Variants in XPO6 observed in about 807,000 individuals in gnomAD.
XPO6 encodes exportin-6.
In XPO6, 3 loss-of-function variants were observed where a neutral mutation model predicts 130.0. The observed-to-expected ratio is 0.02, with a 90% CI of 0.01 to 0.06. XPO6 has a LOEUF of 0.06. Ranked by LOEUF, XPO6 falls within the 10% of genes least tolerant of loss-of-function variation. The probability of loss-of-function intolerance (pLI) is 1.00; values close to 1 mark genes in which losing one functional copy is unlikely to be tolerated. For missense variants in XPO6, 970 were observed against 1,393.0 expected, an observed-to-expected ratio of 0.70 and a Z score of 4.83; for synonymous variants, 524 against 548.9, an observed-to-expected ratio of 0.95 and a Z score of 0.63.
chr16:28,196,379 G>C lies in XPO6; in HGVS notation c.3+14987C>G, dbSNP rs564161028. Among the ~76,000 whole-genome samples the C allele has an allele frequency of 7.2e-5, 11 of 152,206 alleles. No homozygotes were observed. The South Asian group carries it at 2.1e-3, about 29-fold the overall frequency. ...CCAGAATAAGCAAATTCATGAGACA[G>C]GAATTAGATTTGTGGTCACCAGGGG... On this transcript the variant is annotated intron_variant, in intron 1 of 23. Coordinates refer to ENST00000304658, the MANE Select transcript of XPO6 (RefSeq NM_015171.4).
At chr16:28,203,445 C>T (rs532513168) in intron 1 of XPO6, among the ~76,000 whole-genome samples, 5 of 152,238 alleles carry the variant, frequency 3.3e-5, no homozygotes, top group East Asian at 3.9e-4. Flanking sequence ...TAGACAGATA[C>T]ATTTGACAAT....
chr16:28,123,147 C>T lies in XPO6; in HGVS notation c.1767-1385G>A, dbSNP rs192447203. On this transcript the variant is annotated intron_variant, in intron 13 of 23. Transcript: ENST00000304658. ...TGAGAAAGCGTCTTGCTCTGTCAAC[C>T]AGGCCAGAGGATTGTAGTGATCTTG... 1.2e-3 allele frequency among the ~76,000 whole-genome samples: 180 copies of T among 152,202 alleles called. 2 individuals are homozygous for T. The highest frequency in any genetic ancestry group is 3.9e-3 in the African/African-American group (163 of 41,448).
chr16:28,112,855 G>A (rs747056735), intron 16 of XPO6, 49 bp downstream of exon 16: 1 of 1,577,948 alleles, frequency 6.3e-7, no homozygotes, highest in Non-Finnish European at 8.6e-7. Flanking sequence ...GCTTCCTTGG[G>A]TCTCAGTCAC....
In XPO6 at chr16:28,169,835, G is replaced by A; in HGVS notation, c.480C>T (p.Pro160=). The A allele has an allele frequency of 6.2e-7, 1 of 1,614,154 alleles. No homozygotes were observed. Residue 160 remains proline (P), a synonymous_variant, in exon 5 of 24, where the codon CCC becomes CCT. Coordinates refer to ENST00000304658, the MANE Select transcript of XPO6 (RefSeq NM_015171.4). The part of the protein sequence containing the change: ...LKTTSEELAC[P]REDLSVARKE... ...TCCGAGCCACACTGAGGTCCTCACG[G>A]GGACAAGCCAGCTCTTCTGAAGTTG... is the stretch of plus-strand genomic sequence containing the variant.
rs553255464 is a variant in XPO6 at position 28,159,195 on chromosome 16, C to T, written c.644-2668G>A. On this transcript the variant is annotated intron_variant, in intron 6 of 23. Coordinates refer to ENST00000304658, the MANE Select transcript of XPO6 (RefSeq NM_015171.4). ...GCAGTGAGCTACGATTTTACCACTG[C>T]ACTCCAGCCTGGGTGACAGAGCAAG... 2.0e-5 allele frequency among the ~76,000 whole-genome samples: 3 copies of T among 152,014 alleles called. No individual in the cohort carries two copies. In the South Asian group the frequency reaches 6.2e-4, roughly 32 times the overall value.
intron 7 of XPO6, 114 bp downstream of exon 7, chr16:28,155,960 C>G: frequency 6.8e-7 from 1 of 1,464,798 alleles, no homozygotes; most frequent in Non-Finnish European, 9.0e-7. Context: ...CTGTTCCTCA[C>G]CAGGAGCCCC....
intron 1 of XPO6, among the ~76,000 whole-genome samples, chr16:28,183,917 C>A (rs769766721): frequency 3.9e-5 from 6 of 151,986 alleles, no homozygotes; most frequent in Non-Finnish European, 7.4e-5. Context: ...ACAATCAGAA[C>A]AGAGGTAGAA....
intron 4 of XPO6, among the ~76,000 whole-genome samples, 185 bp from the exon 5 acceptor site, chr16:28,170,094 T>C (rs2141851634): frequency 6.6e-6 from 1 of 151,986 alleles, no homozygotes; most frequent in East Asian, 1.9e-4. Flanking sequence ...GCACTTTGGG[T>C]GGCTGAGACG....
chr16:28,139,239 A>G (rs1412283076), intron 9 of XPO6, among the ~76,000 whole-genome samples: 1 of 152,200 alleles, frequency 6.6e-6, no homozygotes, highest in Admixed American at 6.5e-5. Context: ...CATGCACACA[A>G]GAAAGGCCAC....
At chr16:28,177,659 T>C (rs2043554168) in intron 2 of XPO6, among the ~76,000 whole-genome samples, 1 of 152,200 alleles carries the variant, frequency 6.6e-6, no homozygotes, top group African/African-American at 2.4e-5. Flanking sequence ...TCCATCTTCT[T>C]AAAACTGCTA....
chr16:28,174,094 A>G (rs1268113196), intron 4 of XPO6, among the ~76,000 whole-genome samples: 3 of 152,098 alleles, frequency 2.0e-5, no homozygotes, highest in African/African-American at 4.8e-5. Context: ...GAGGGTTACC[A>G]TAACCGTCCT....
intron 7 of XPO6, chr16:28,153,955 C>T (rs1596890900): frequency 1.0e-6 from 1 of 985,246 alleles, no homozygotes; most frequent in Non-Finnish European, 1.2e-6. Context: ...TCTATGCGGC[C>T]GAGCTTATTT....
chr16:28,194,345 C>G (rs866040480), intron 1 of XPO6, among the ~76,000 whole-genome samples: 2 of 152,296 alleles, frequency 1.3e-5, no homozygotes, highest in Middle Eastern at 3.4e-3. Context: ...TCACCTCTCA[C>G]TGCTGCAAAC....
intron 15 of XPO6, 32 bp downstream of exon 15, chr16:28,117,286 G>C: frequency 6.2e-7 from 1 of 1,611,830 alleles, no homozygotes; most frequent in Non-Finnish European, 8.5e-7. Flanking sequence ...CAGAGAGTTA[G>C]ATAAAAGGTG....
chr16:28,207,937 G>A (rs993113570), intron 1 of XPO6, among the ~76,000 whole-genome samples: 2 of 152,118 alleles, frequency 1.3e-5, no homozygotes, highest in Non-Finnish European at 2.9e-5. Context: ...CTGAGGTCAG[G>A]AGTTCGAGAC....
intron 2 of XPO6, 78 bp from the exon 3 acceptor site, chr16:28,177,410 T>G: frequency 1.3e-6 from 1 of 758,210 alleles, no homozygotes. Context: ...CTTATTATTA[T>G]TTAAACATGT....
In XPO6 at chr16:28,154,896, C is replaced by G. The variant is rs185899068; in HGVS notation, c.1097+1178G>C. Among the ~76,000 whole-genome samples the G allele has an allele frequency of 1.1e-4, 16 of 152,066 alleles. No homozygotes were observed. The East Asian group carries it at 1.9e-3, about 18-fold the overall frequency. ...TAATACAGCCTTTCTTAACCACAGA[C>G]AGAAAGAATATGAAAGTGTGAATAA... On this transcript the variant is annotated intron_variant, in intron 7 of 23. Coordinates refer to ENST00000304658, the MANE Select transcript of XPO6 (RefSeq NM_015171.4).
intron 1 of XPO6, 109 bp from the exon 2 acceptor site, chr16:28,181,140 T>C: frequency 1.2e-6 from 1 of 821,494 alleles, no homozygotes; most frequent in Non-Finnish European, 1.9e-6. Context: ...TTCCTCAAAA[T>C]CTTGGTTCAA....
At chr16:28,100,740 T>A (rs1440392942) in intron 23 of XPO6, among the ~76,000 whole-genome samples, 4 of 152,072 alleles carry the variant, frequency 2.6e-5, no homozygotes, top group African/African-American at 9.7e-5. Flanking sequence ...AGAGGCCTGG[T>A]CACCTGACAC....
Sources: allele counts gnomAD v4.1 joint callset (sites outside exome capture counted in the v4.1 genomes callset), GRCh38; gene constraint gnomAD v4.1.1; transcripts MANE v1.5; gene names NCBI Gene and HGNC (gene_info 2026-07-23, HGNC 2026-07-21).